CDH12: variants seen among roughly 807,000 people sequenced by gnomAD.
The protein encoded by CDH12 is cadherin-12.
In CDH12, 41 loss-of-function variants were observed where a neutral mutation model predicts 74.1. The ratio of observed to expected loss-of-function variants is 0.55; its 90% CI spans 0.43 to 0.72. The LOEUF (loss-of-function observed/expected upper bound fraction) is 0.72, where lower values mean the gene tolerates loss of function less well. Ranked by LOEUF, CDH12 falls within the 30% of genes least tolerant of loss-of-function variation. The pLI, the probability that CDH12 is intolerant of heterozygous loss-of-function variation, is 0.00. For synonymous variants in CDH12, 399 were observed against 355.0 expected (o/e 1.12, Z -1.39); for missense variants, 945 against 977.2 (o/e 0.97, Z 0.44).
At chr5:22,677,109 C>G (rs1741235749) in intron 1 of CDH12, among the ~76,000 whole-genome samples, 3 of 152,066 alleles carry the variant, frequency 2.0e-5, no homozygotes, top group Non-Finnish European at 4.4e-5. Flanking sequence ...AACACAAAAG[C>G]ACAAATTAGA....
chr5:22,168,759 T>A (rs1248771421), intron 4 of CDH12, among the ~76,000 whole-genome samples: 1 of 149,510 alleles, frequency 6.7e-6, no homozygotes, highest in African/African-American at 2.5e-5. Flanking sequence ...ATGTCTGATA[T>A]ATGTCATATA....
intron 3 of CDH12, among the ~76,000 whole-genome samples, chr5:22,326,284 G>C (rs1338848451): frequency 6.6e-6 from 1 of 151,780 alleles, no homozygotes; most frequent in African/African-American, 2.4e-5. Context: ...GCCCAGGCTG[G>C]AGTGCAGTGG....
intron 6 of CDH12, among the ~76,000 whole-genome samples, chr5:21,855,468 G>T (rs192640744): frequency 5.9e-5 from 9 of 151,328 alleles, no homozygotes; most frequent in African/African-American, 1.9e-4. Flanking sequence ...GCTTTTCTTT[G>T]TATTTTCCTT....
At chr5:22,640,238 C>T (rs574946420) in intron 1 of CDH12, among the ~76,000 whole-genome samples, 1 of 151,962 alleles carries the variant, frequency 6.6e-6, no homozygotes, top group Non-Finnish European at 1.5e-5. Flanking sequence ...TTGAGAGAGA[C>T]GATATTACTT....
chr5:22,666,298 T>G (rs115150092), intron 1 of CDH12, among the ~76,000 whole-genome samples: 5,378 of 93,764 alleles, frequency 0.057, 247 homozygotes, highest in East Asian at 0.27. Flanking sequence ...TTTTTTTTTT[T>G]TTTGTTTTTG....
chr5:22,797,226 C>T (rs1748275763), intron 1 of CDH12, among the ~76,000 whole-genome samples: 1 of 147,740 alleles, frequency 6.8e-6, no homozygotes, highest in Non-Finnish European at 1.5e-5. Flanking sequence ...AGCTCTCTTG[C>T]ACTTGCTGCC....
At chr5:21,954,105 T>G (rs554982399) in intron 6 of CDH12, among the ~76,000 whole-genome samples, 55 of 152,244 alleles carry the variant, frequency 3.6e-4, no homozygotes, top group African/African-American at 1.3e-3. Context: ...TATATAATAC[T>G]GTTGAGCACA....
chr5:22,014,086 G>C (rs1281266238), intron 5 of CDH12, among the ~76,000 whole-genome samples: 2 of 152,110 alleles, frequency 1.3e-5, no homozygotes, highest in Non-Finnish European at 1.5e-5. Context: ...AATTAGCCAA[G>C]TGTGGTGGCA....
intron 6 of CDH12, among the ~76,000 whole-genome samples, chr5:21,855,598 A>C (rs1198999555): frequency 6.6e-6 from 1 of 151,614 alleles, no homozygotes; most frequent in Non-Finnish European, 1.5e-5. Context: ...AAAGTACCCA[A>C]ATTGTAGCAA....
intron 1 of CDH12, among the ~76,000 whole-genome samples, chr5:22,841,841 T>C (rs942437150): frequency 1.3e-5 from 2 of 152,084 alleles, no homozygotes; most frequent in African/African-American, 4.8e-5. Context: ...GCAGGAAATT[T>C]TTGGAAGAAT....
intron 1 of CDH12, among the ~76,000 whole-genome samples, chr5:22,560,617 A>G (rs142847120): frequency 1.8e-3 from 275 of 152,308 alleles, no homozygotes; most frequent in African/African-American, 6.4e-3. Context: ...AATATTTAAA[A>G]TTTTACAAAA....
At chr5:21,856,546 TA>T in intron 6 of CDH12, among the ~76,000 whole-genome samples, 2 of 151,950 alleles carry the variant, frequency 1.3e-5, no homozygotes, top group East Asian at 3.9e-4. Context: ...TTTGCCAAAC[TA>T]ATACCGTATT....
chr5:22,212,853 G>C (rs1751622252), intron 3 of CDH12: 1 of 152,360 alleles, frequency 6.6e-6, no homozygotes, highest in Admixed American at 6.5e-5. Flanking sequence ...GCCGAGGGTT[G>C]GTGGGTCTCC....
intron 1 of CDH12, among the ~76,000 whole-genome samples, chr5:22,519,212 C>G (rs1245002495): frequency 1.3e-5 from 2 of 152,040 alleles, no homozygotes; most frequent in African/African-American, 4.8e-5. Context: ...GCCTCCCTTG[C>G]CTAAGACTAA....
intron 1 of CDH12, among the ~76,000 whole-genome samples, chr5:22,789,813 A>G (rs563530917): frequency 8.6e-5 from 13 of 152,006 alleles, no homozygotes; most frequent in Admixed American, 3.9e-4. Context: ...CATTTTACCA[A>G]TGATGATGTA....
chr5:22,430,786 G>A lies in CDH12; in HGVS notation c.-427-25435C>T, dbSNP rs1163507282. Among the ~76,000 whole-genome samples the A allele has an allele frequency of 2.0e-5, 3 of 151,886 alleles. No homozygotes were observed. In the East Asian group the frequency reaches 5.8e-4, roughly 29 times the overall value. On this transcript the variant is annotated intron_variant, in intron 2 of 14. Coordinates refer to ENST00000382254, the MANE Select transcript of CDH12 (RefSeq NM_004061.5). The stretch of plus-strand genomic sequence containing the variant: ...GAACAGCCAGTGATGATTTGTTTTG[G>A]TCCTTCTTATCAGCCAAGCAGCTAA...
At chr5:22,483,570 C>T (rs931376229) in intron 2 of CDH12, among the ~76,000 whole-genome samples, 1 of 149,684 alleles carries the variant, frequency 6.7e-6, no homozygotes, top group Non-Finnish European at 1.5e-5. Flanking sequence ...AGGAGGTAGG[C>T]GAGTAGAGCT....
chr5:22,560,194 T>G (rs894931930), intron 1 of CDH12, among the ~76,000 whole-genome samples: 12 of 152,152 alleles, frequency 7.9e-5, no homozygotes, highest in African/African-American at 2.9e-4. Context: ...ACAACATCAG[T>G]CCAAAAATAT....
intron 1 of CDH12, among the ~76,000 whole-genome samples, chr5:22,781,863 G>A (rs1022429740): frequency 6.6e-6 from 1 of 152,164 alleles, no homozygotes; most frequent in African/African-American, 2.4e-5. Context: ...GACCTTGGGA[G>A]TCCACCTCTT....
Sources: gnomAD v4.1 joint callset for allele counts (sites outside exome capture counted in the v4.1 genomes callset) on GRCh38, gnomAD v4.1.1 for gene constraint, MANE v1.5 for transcripts, NCBI Gene and HGNC (gene_info 2026-07-23, HGNC 2026-07-21) for gene names.